The following AIG1 variants were observed in gnomAD, a reference collection of about 807,000 sequenced individuals.
AIG1 encodes the protein androgen induced 1.
Under a neutral mutation model 31.4 loss-of-function variants are expected in AIG1, and 23 were observed. The observed-to-expected ratio is 0.73, with a 90% CI of 0.53 to 1.04. The LOEUF (loss-of-function observed/expected upper bound fraction) is 1.04. Ranked by LOEUF, AIG1 falls within the 50% of genes least tolerant of loss-of-function variation. The pLI is 0.00. For missense variants in AIG1, 274 were observed against 295.0 expected, an observed-to-expected ratio of 0.93 and a Z score of 0.52; for synonymous variants, 100 against 110.5, an observed-to-expected ratio of 0.90 and a Z score of 0.60.
At position 143,279,735 on chromosome 6, in the gene AIG1, A is replaced by G. The variant is rs1225685737; in HGVS notation, c.400-4375A>G. ...CCATTAAGAAAAGCACAAATGATGC[A>G]ATAAATCAGGATAGATTTAGGCTTC... On this transcript the variant is annotated intron_variant, in intron 3 of 5. Transcript: ENST00000357847. The surrounding 1 kb of genome is among the most constrained non-coding windows in gnomAD (Gnocchi z 5.4). Among the ~76,000 whole-genome samples the G allele has an allele frequency of 6.6e-6, 1 of 152,230 alleles. No individual in the cohort carries two copies. The highest frequency in any genetic ancestry group is 1.5e-5 in the Non-Finnish European group (1 of 68,040).
At chr6:143,127,017 A>ATATC (rs1349166663) in intron 1 of AIG1, among the ~76,000 whole-genome samples, 1 of 152,180 alleles carries the variant, frequency 6.6e-6, no homozygotes, top group Non-Finnish European at 1.5e-5. Context: ...CTACAGAGTA[A>ATATC]TATCTATCTA....
At chr6:143,103,675 T>G (rs929326588) in intron 1 of AIG1, among the ~76,000 whole-genome samples, 1 of 151,486 alleles carries the variant, frequency 6.6e-6, no homozygotes, top group Non-Finnish European at 1.5e-5. Flanking sequence ...GCCCGGCTAA[T>G]TTTTTGTATT....
At chr6:143,109,664 C>T (rs966045268) in intron 1 of AIG1, among the ~76,000 whole-genome samples, 1 of 151,954 alleles carries the variant, frequency 6.6e-6, no homozygotes, top group African/African-American at 2.4e-5. Context: ...CCTTACCTGC[C>T]ATTTGAAATT....
In AIG1 at chr6:143,195,600, T is replaced by C. The variant is rs189214892; in HGVS notation, c.399+30417T>C. ...GGAAGGAATAGAAGAAGGCTGAGAG[T>C]GGAACCTTGGCGACTGGCCACCCTG... On this transcript the variant is annotated intron_variant, in intron 3 of 5. Transcript: ENST00000357847. Among the ~76,000 whole-genome samples the C allele has an allele frequency of 2.5e-4, 37 of 150,444 alleles. 2 individuals carry two copies. The Admixed American group carries it at 2.5e-3, about 10-fold the overall frequency.
intron 1 of AIG1, among the ~76,000 whole-genome samples, chr6:143,082,237 A>G (rs1212043114): frequency 6.6e-6 from 1 of 152,184 alleles, no homozygotes; most frequent in Non-Finnish European, 1.5e-5. Flanking sequence ...TGAGGGGATT[A>G]CTTTCAAGTA....
intron 3 of AIG1, among the ~76,000 whole-genome samples, chr6:143,191,393 A>G (rs1260457757): frequency 1.3e-5 from 2 of 152,230 alleles, no homozygotes; most frequent in Non-Finnish European, 2.9e-5. Flanking sequence ...GACTGCAGTT[A>G]ACAGGGGACA....
intron 4 of AIG1, among the ~76,000 whole-genome samples, chr6:143,321,882 TA>T (rs1212690386): frequency 3.9e-5 from 6 of 152,188 alleles, no homozygotes; most frequent in Non-Finnish European, 8.8e-5. Context: ...GTGTTGCTGA[TA>T]GACTGGGAGC....
chr6:143,195,705 G>T (rs948595186), intron 3 of AIG1, among the ~76,000 whole-genome samples: 4 of 151,986 alleles, frequency 2.6e-5, no homozygotes, highest in African/African-American at 7.2e-5. Context: ...TAGGGAGGAG[G>T]AGTGCAGGGT....
chr6:143,270,863 G>A (rs753863350), intron 3 of AIG1, among the ~76,000 whole-genome samples: 4 of 152,162 alleles, frequency 2.6e-5, no homozygotes, highest in Non-Finnish European at 5.9e-5. Context: ...GGATGAGTGT[G>A]TGTGTTTGCA....
chr6:143,178,939 T>C (rs1004065138), intron 3 of AIG1, among the ~76,000 whole-genome samples: 1 of 152,100 alleles, frequency 6.6e-6, no homozygotes, highest in African/African-American at 2.4e-5. Context: ...CTCACAGGAC[T>C]TAGGGACAAG....
At chr6:143,314,619 A>C (rs1316883579) in intron 4 of AIG1, among the ~76,000 whole-genome samples, 1 of 152,184 alleles carries the variant, frequency 6.6e-6, no homozygotes, top group African/African-American at 2.4e-5. Context: ...TATGCACAGG[A>C]TCTATATGCA....
chr6:143,073,379 A>G (rs1008266238), intron 1 of AIG1, among the ~76,000 whole-genome samples: 26 of 152,298 alleles, frequency 1.7e-4, no homozygotes, highest in African/African-American at 6.3e-4. Context: ...TCCTTTGGTT[A>G]TATGCCCAGA....
chr6:143,321,762 T>C (rs970836981), intron 4 of AIG1, among the ~76,000 whole-genome samples: 2 of 152,128 alleles, frequency 1.3e-5, no homozygotes, highest in African/African-American at 4.8e-5. Context: ...ATGGTTTCAT[T>C]CTGATAAACA....
Position 143,330,310 on chromosome 6 carries a change from G to T in AIG1, c.516-2972G>T, listed in dbSNP as rs541400209. On this transcript the variant is annotated intron_variant, in intron 4 of 5. Transcript: ENST00000357847. This position sits in a 1 kb window ranked among gnomAD's most constrained non-coding sequence, Gnocchi z 4.4. ...AAGAATAGAGAGTTTGAGGGTAGAG[G>T]TTGCAATTTTTAGATACAGTGGCCA... Among the ~76,000 whole-genome samples, 1 of 152,262 alleles carries T rather than the reference G, an allele frequency of 6.6e-6. No homozygotes were observed. Among genetic ancestry groups the T allele is most frequent in the South Asian group, 2.1e-4 (1 of 4,822 alleles).
intron 1 of AIG1, among the ~76,000 whole-genome samples, chr6:143,076,547 A>C (rs1371225524): frequency 6.6e-6 from 1 of 152,114 alleles, no homozygotes; most frequent in Non-Finnish European, 1.5e-5. Flanking sequence ...TAATAGGTAC[A>C]GTTTATGTTT....
At chr6:143,137,204 G>A (rs573872566) in intron 2 of AIG1, among the ~76,000 whole-genome samples, 3 of 152,286 alleles carry the variant, frequency 2.0e-5, no homozygotes, top group South Asian at 2.1e-4. Flanking sequence ...CACAGGGTTC[G>A]TTTCTTCTGA....
At chr6:143,267,277 C>T (rs1464782957) in intron 3 of AIG1, among the ~76,000 whole-genome samples, 1 of 152,148 alleles carries the variant, frequency 6.6e-6, no homozygotes. Context: ...TACAAGAACG[C>T]CTGCTATTCT....
chr6:143,151,108 C>T (rs17072270), intron 2 of AIG1, among the ~76,000 whole-genome samples: 6,550 of 152,050 alleles, frequency 0.043, 464 homozygotes, highest in African/African-American at 0.15. Context: ...CTAACTCCTC[C>T]CACTTTATTT....
chr6:143,262,151 T>C (rs1378097414), intron 3 of AIG1, among the ~76,000 whole-genome samples: 2 of 152,250 alleles, frequency 1.3e-5, no homozygotes, highest in Admixed American at 1.3e-4. Flanking sequence ...AGGAAGTGTT[T>C]TTATATTGCT....
Sources: gnomAD v4.1 joint callset for allele counts (sites outside exome capture counted in the v4.1 genomes callset) on GRCh38, gnomAD v4.1.1 for gene constraint, Gnocchi (gnomAD v3.1) non-coding constraint, MANE v1.5 for transcripts, NCBI Gene and HGNC (gene_info 2026-07-23, HGNC 2026-07-21) for gene names.